Variants in MALRD1 observed in about 807,000 individuals in gnomAD.
MALRD1 encodes MAM and LDL receptor class A domain containing 1.
Under a neutral mutation model 242.1 loss-of-function variants are expected in MALRD1, and 247 were observed. The observed-to-expected ratio is 1.02, with a 90% CI of 0.92 to 1.13. MALRD1 has a LOEUF of 1.13. Among genes scored for constraint, MALRD1 ranks in the 50% most tolerant of loss-of-function variants. The pLI is 0.00. For missense variants in MALRD1, 2,989 were observed against 2,533.1 expected, an observed-to-expected ratio of 1.18 and a Z score of -3.86; for synonymous variants, 995 against 866.6, an observed-to-expected ratio of 1.15 and a Z score of -2.60.
intron 24 of MALRD1, among the ~76,000 whole-genome samples, chr10:19,340,933 G>A (rs898243172): frequency 6.6e-6 from 1 of 151,998 alleles, no homozygotes; most frequent in Non-Finnish European, 1.5e-5. Context: ...AGTTCCTCAG[G>A]TGATTCATAT....
intron 17 of MALRD1, among the ~76,000 whole-genome samples, chr10:19,207,193 C>A (rs7087675): frequency 0.73 from 111,627 of 151,982 alleles, 41,228 homozygotes; most frequent in South Asian, 0.83. Context: ...TTAAAAAAAA[C>A]TAACATGTAA....
chr10:19,610,771 CT>C (rs1349672684), intron 35 of MALRD1, among the ~76,000 whole-genome samples: 4 of 152,092 alleles, frequency 2.6e-5, no homozygotes, highest in African/African-American at 9.6e-5. Context: ...TCAGATGCTT[CT>C]TTGCTATTAA....
intron 2 of MALRD1, among the ~76,000 whole-genome samples, chr10:19,085,081 A>C (rs143451454): frequency 2.0e-5 from 3 of 151,944 alleles, no homozygotes; most frequent in African/African-American, 7.2e-5. Flanking sequence ...TAGGCTGCTA[A>C]AGGAAGTACA....
chr10:19,693,214 G>T (rs1226072939), intron 38 of MALRD1, among the ~76,000 whole-genome samples: 1 of 151,844 alleles, frequency 6.6e-6, no homozygotes, highest in African/African-American at 2.4e-5. Flanking sequence ...AGTGTTGGAA[G>T]TTCTGGCCAG....
At chr10:19,725,132 G>A (rs532629375) in intron 38 of MALRD1, among the ~76,000 whole-genome samples, 1 of 152,232 alleles carries the variant, frequency 6.6e-6, no homozygotes, top group East Asian at 1.9e-4. Flanking sequence ...CAATATTGTC[G>A]AGACGTTAAT....
At chr10:19,062,728 A>T (rs1834858648) in intron 1 of MALRD1, among the ~76,000 whole-genome samples, 1 of 152,118 alleles carries the variant, frequency 6.6e-6, no homozygotes. Context: ...CCAGGGTTTG[A>T]GTAGGGAGAA....
intron 13 of MALRD1, among the ~76,000 whole-genome samples, chr10:19,169,105 GC>G (rs899502883): frequency 3.9e-5 from 6 of 152,262 alleles, no homozygotes; most frequent in African/African-American, 1.2e-4. Context: ...AACCCAAGCT[GC>G]CCTGAACCAC....
chr10:19,213,571 T>C (rs534860666), intron 18 of MALRD1, among the ~76,000 whole-genome samples: 12 of 152,292 alleles, frequency 7.9e-5, no homozygotes, highest in African/African-American at 2.9e-4. Flanking sequence ...TTAGAACATA[T>C]AGAATACTGT....
chr10:19,531,902 G>A (rs1227121616), intron 32 of MALRD1, among the ~76,000 whole-genome samples: 2 of 152,092 alleles, frequency 1.3e-5, no homozygotes, highest in African/African-American at 4.8e-5. Flanking sequence ...CAATCATCAT[G>A]AACCAATTTT....
At chr10:19,329,447 A>G (rs1443879493) in intron 23 of MALRD1, among the ~76,000 whole-genome samples, 2 of 151,382 alleles carry the variant, frequency 1.3e-5, no homozygotes, top group Non-Finnish European at 3.0e-5. Context: ...TTTAATTACA[A>G]TAATTTTTAC....
At chr10:19,204,541 C>T in intron 16 of MALRD1, 128 bp downstream of exon 16, 2 of 643,220 alleles carry the variant, frequency 3.1e-6, no homozygotes, top group Non-Finnish European at 5.2e-6. Flanking sequence ...AATAGTATTG[C>T]ATTAAATTCA....
At chr10:19,535,940 T>C (rs7075096) in intron 32 of MALRD1, among the ~76,000 whole-genome samples, 15,968 of 152,152 alleles carry the variant, frequency 0.1, 2,557 homozygotes, top group African/African-American at 0.34. Flanking sequence ...AGAAAATACC[T>C]AAGATGAATT....
At chr10:19,672,257 C>T (rs1022919214) in intron 36 of MALRD1, among the ~76,000 whole-genome samples, 1 of 151,894 alleles carries the variant, frequency 6.6e-6, no homozygotes, top group Non-Finnish European at 1.5e-5. Context: ...AGTGGAATTG[C>T]TCTTAAATCT....
intron 29 of MALRD1, chr10:19,489,079 C>T (rs1249892620): frequency 4.3e-6 from 2 of 460,448 alleles, no homozygotes; most frequent in Non-Finnish European, 8.8e-6. Context: ...ACCGCGCACG[C>T]GCCTTTCCGG....
intron 28 of MALRD1, among the ~76,000 whole-genome samples, chr10:19,393,022 C>A (rs1381523158): frequency 6.6e-6 from 1 of 152,152 alleles, no homozygotes; most frequent in Non-Finnish European, 1.5e-5. Flanking sequence ...GTTATAAACT[C>A]AAGGTCACCA....
chr10:19,607,865 CTG>C lies in MALRD1; in HGVS notation c.6034_6035del (p.Cys2012HisfsTer6). On this transcript the variant is annotated frameshift_variant, in exon 35 of 40. Transcript: ENST00000454679. LOFTEE classifies it high-confidence loss of function. ...AHQRCDGFAD[C>X]MDFQLDESSC... ...ACCAGCGCTGTGATGGTTTTGCCGACTGCATGGATTTCCAGCTTGATGAGTCC... is the reference window on the plus strand; with the variant it reads ...ACCAGCGCTGTGATGGTTTTGCCGACCATGGATTTCCAGCTTGATGAGTCC... 1 of 1,549,776 alleles carries C rather than the reference CTG, an allele frequency of 6.5e-7. No homozygotes were observed. Among genetic ancestry groups the C allele is most frequent in the Non-Finnish European group, 8.7e-7 (1 of 1,146,498 alleles).
intron 18 of MALRD1, among the ~76,000 whole-genome samples, chr10:19,217,503 C>G (rs776738435): frequency 2.0e-4 from 30 of 150,976 alleles, no homozygotes; most frequent in Non-Finnish European, 3.5e-4. Flanking sequence ...TCCTTTGTGC[C>G]CTTTGTAGAT....
At chr10:19,690,227 A>G (rs1480260812) in intron 36 of MALRD1, among the ~76,000 whole-genome samples, 1 of 152,100 alleles carries the variant, frequency 6.6e-6, no homozygotes, top group Non-Finnish European at 1.5e-5. Flanking sequence ...CATATTTTGA[A>G]ACTGCTTTTG....
intron 36 of MALRD1, among the ~76,000 whole-genome samples, chr10:19,685,087 A>T (rs1380918436): frequency 2.6e-5 from 4 of 152,148 alleles, no homozygotes; most frequent in African/African-American, 9.7e-5. Flanking sequence ...ATATATAAAC[A>T]CTTCCTTCCC....
Sources: gnomAD v4.1 joint callset for allele counts (sites outside exome capture counted in the v4.1 genomes callset) on GRCh38, gnomAD v4.1.1 for gene constraint, MANE v1.5 for transcripts, NCBI Gene and HGNC (gene_info 2026-07-23, HGNC 2026-07-21) for gene names.